SLC51A: variants seen among roughly 807,000 people sequenced by gnomAD.
The protein encoded by SLC51A is solute carrier family 51 member A.
A neutral mutation model predicts 34.8 loss-of-function variants in SLC51A; 22 were observed. The observed-to-expected ratio is 0.63, with a 90% CI of 0.45 to 0.90. The LOEUF is 0.90. Ranked by LOEUF, SLC51A falls within the 40% of genes least tolerant of loss-of-function variation. The pLI is 0.00. For synonymous variants in SLC51A, 181 were observed against 176.3 expected (o/e 1.03, Z -0.21); for missense variants, 371 against 414.8 (o/e 0.89, Z 0.92).
chr3:196,232,286 C>T (rs1310223729), intron 7 of SLC51A, 133 bp from the exon 8 acceptor site: 1 of 633,316 alleles, frequency 1.6e-6, no homozygotes, highest in Non-Finnish European at 2.8e-6. Flanking sequence ...AGCCTCAACC[C>T]TCTGTGACTG....
intron 8 of SLC51A, 126 bp from the exon 9 acceptor site, chr3:196,232,937 A>G: frequency 1.0e-6 from 1 of 957,488 alleles, no homozygotes; most frequent in Non-Finnish European, 1.6e-6. Flanking sequence ...ACAATTTCGT[A>G]TCCCTAAGTC....
At chr3:196,223,830 T>A (rs1404098243) in intron 2 of SLC51A, 6 of 427,702 alleles carry the variant, frequency 1.4e-5, no homozygotes, top group African/African-American at 1.3e-4. Context: ...GGCAAATATC[T>A]TAGTGTAATT....
rs148234908 is a variant in SLC51A, at chr3:196,227,544, A to G, written c.289-120A>G. Reference sequence around the variant, plus strand: ...TAATTAGTGCTTTTTCCAGCTGGCAACGTTTAAGGAACGCTGCCTCGAATG... The same window carrying G: ...TAATTAGTGCTTTTTCCAGCTGGCAGCGTTTAAGGAACGCTGCCTCGAATG... On this transcript the variant is annotated intron_variant, in intron 3 of 8. Coordinates refer to ENST00000296327, the MANE Select transcript of SLC51A (RefSeq NM_152672.6). 3.5e-4 allele frequency: 289 copies of G among 820,576 alleles called. 4 individuals are homozygous for G. The highest frequency in any genetic ancestry group is 3.5e-3 in the African/African-American group (207 of 59,358). 50.8% of individuals were successfully genotyped at this position (820,576 alleles called of 1,614,324 possible).
rs1252966613 is a variant in SLC51A, at chr3:196,216,553, G to A, written c.-160G>A. 8 of 766,794 alleles carry A rather than the reference G, an allele frequency of 1.0e-5. No homozygotes were observed. Among genetic ancestry groups the A allele is most frequent in the African/African-American group, 1.7e-5 (1 of 58,260 alleles). 47.5% of individuals were successfully genotyped at this position (766,794 alleles called of 1,614,324 possible). A position where few individuals can be genotyped will look rare whatever the true frequency, so the allele number is the denominator to read the frequency against. ...AACTCTGAGATAGAAAGTTGGCCCG[G>A]GAAGCTCAAGGAGGGAGAGCGGCAG... On this transcript the variant is annotated 5_prime_UTR_variant, in exon 1 of 9. Transcript: ENST00000296327. This position sits in a 1 kb window ranked among gnomAD's most constrained non-coding sequence, Gnocchi z 4.5.
At chr3:196,223,401 G>A (rs148939559) in intron 2 of SLC51A, among the ~76,000 whole-genome samples, 12 of 152,004 alleles carry the variant, frequency 7.9e-5, no homozygotes, top group African/African-American at 2.9e-4. Flanking sequence ...GTAAACAGCT[G>A]TGTAAATACA....
At chr3:196,217,737 G>C in intron 1 of SLC51A, 105 bp from the exon 2 acceptor site, 1 of 798,264 alleles carries the variant, frequency 1.3e-6, no homozygotes. Context: ...GCCCTGAGGG[G>C]AAATGGACAA....
chr3:196,216,746 C>G lies in SLC51A; in HGVS notation c.34C>G (p.Pro12Ala), dbSNP rs745329387. Reference sequence around the variant, plus strand: ...GGGCAGGACCCAGATAAAGCTTGACCCCAGGTAAGTGAGGGCGGCGGGCCC... The same window carrying G: ...GGGCAGGACCCAGATAAAGCTTGACGCCAGGTAAGTGAGGGCGGCGGGCCC... ...EPGRTQIKLD[P>A]RYTADLLEVL... is the part of the protein sequence containing the mutation. The change falls in exon 1 of 9, where the codon CCC becomes GCC. Residue 12 changes from proline to alanine, a missense_variant. Transcript: ENST00000296327. This position sits in a 1 kb window ranked among gnomAD's most constrained non-coding sequence, Gnocchi z 4.5. 5 of 1,577,172 alleles carry G rather than the reference C, an allele frequency of 3.2e-6. No homozygotes were observed. Among genetic ancestry groups the G allele is most frequent in the Non-Finnish European group, 3.4e-6 (4 of 1,161,260 alleles).
chr3:196,220,787 C>T (rs761148066), intron 2 of SLC51A, among the ~76,000 whole-genome samples: 1 of 152,042 alleles, frequency 6.6e-6, no homozygotes, highest in Non-Finnish European at 1.5e-5. Flanking sequence ...GCAATGGTGA[C>T]GGCACAGCCA....
chr3:196,224,532 T>C (rs945622420), intron 2 of SLC51A, among the ~76,000 whole-genome samples: 8 of 151,606 alleles, frequency 5.3e-5, no homozygotes, highest in South Asian at 4.2e-4. Context: ...CTCTACTAGC[T>C]GGGCGTGGTG....
Position 196,227,068 on chromosome 3 carries a change from C to G in SLC51A, c.237C>G (p.Thr79=). Residue 79 remains threonine, a synonymous_variant, in exon 3 of 9, where the codon ACC becomes ACG. Coordinates refer to ENST00000296327, the MANE Select transcript of SLC51A (RefSeq NM_152672.6). ...ATGCCGTCTACCTGTACAAGAACACCCTTTGCCCCATCAAGAGGCGGACTC... is the reference window on the plus strand; with the variant it reads ...ATGCCGTCTACCTGTACAAGAACACGCTTTGCCCCATCAAGAGGCGGACTC... The part of the protein sequence containing the change: ...LEDAVYLYKN[T]LCPIKRRTLL... 6.2e-7 allele frequency: 1 copy of G among 1,614,158 alleles called. No homozygotes were observed.
Position 196,228,837 on chromosome 3 carries a change from C to T in SLC51A, c.550C>T (p.Pro184Ser). 6.2e-7 allele frequency: 1 copy of T among 1,614,048 alleles called. No homozygotes were observed. The highest frequency in any genetic ancestry group is 2.2e-5 in the East Asian group (1 of 44,888). Residue 184 changes from proline to serine, a missense_variant, in exon 6 of 9, where the codon CCT becomes TCT. Transcript: ENST00000296327. The surrounding 1 kb of genome is among the most constrained non-coding windows in gnomAD (Gnocchi z 4.9). Reference protein sequence around the residue: ...RKKLQLLMLGPFQYAFLKITL... With the variant: ...RKKLQLLMLGSFQYAFLKITL... ...GAAGCTTCAGCTGCTGATGTTGGGC[C>T]CTTTCCAATACGCCTTCTTGAAGAT...
chr3:196,219,240 G>GA (rs71161914), intron 2 of SLC51A, among the ~76,000 whole-genome samples: 20,736 of 151,486 alleles, frequency 0.14, 1,742 homozygotes, highest in Middle Eastern at 0.19. Context: ...AAAAATAAAA[G>GA]AAAAAAAAGG....
chr3:196,221,113 G>A lies in SLC51A; in HGVS notation c.133+3177G>A, dbSNP rs997552439. 1.1e-4 allele frequency among the ~76,000 whole-genome samples: 17 copies of A among 150,354 alleles called. No homozygotes were observed. In the East Asian group the frequency reaches 2.8e-3, roughly 25 times the overall value. ...TCTCCATGTTGCCCAGGCTGGTCTC[G>A]AACTTAAAATTAAATGCTAAGAAAA... On this transcript the variant is annotated intron_variant, in intron 2 of 8. Transcript: ENST00000296327.
Position 196,221,802 on chromosome 3 carries a change from G to A in SLC51A, c.133+3866G>A, listed in dbSNP as rs138209111. Among the ~76,000 whole-genome samples the A allele has an allele frequency of 2.0e-3, 298 of 150,576 alleles. 1 individual carries two copies. The highest frequency in any genetic ancestry group is 6.9e-3 in the African/African-American group (284 of 40,988). On this transcript the variant is annotated intron_variant, in intron 2 of 8. Coordinates refer to ENST00000296327, the MANE Select transcript of SLC51A (RefSeq NM_152672.6). ...GTGATCTCAGCTCACTACAAGCTCC[G>A]CCTCCCAGGTTCACGCCATTCTCCT...
chr3:196,226,032 C>G (rs1417770166), intron 2 of SLC51A, among the ~76,000 whole-genome samples: 2 of 152,150 alleles, frequency 1.3e-5, no homozygotes, highest in Non-Finnish European at 2.9e-5. Context: ...GAAGTTCTCC[C>G]CTGGCCGAGT....
intron 7 of SLC51A, among the ~76,000 whole-genome samples, chr3:196,231,833 C>A (rs1724035678): frequency 6.6e-6 from 1 of 152,114 alleles, no homozygotes; most frequent in Non-Finnish European, 1.5e-5. Context: ...TCCCCTTTTG[C>A]CTTCTTTATT....
chr3:196,227,769 G>A (rs1438100284), intron 4 of SLC51A, 32 bp downstream of exon 4: 14 of 1,590,932 alleles, frequency 8.8e-6, no homozygotes, highest in Non-Finnish European at 1.2e-5. Context: ...ACCTCCAAGG[G>A]CCCCTCTGCT....
At chr3:196,223,253 T>G (rs1001977482) in intron 2 of SLC51A, among the ~76,000 whole-genome samples, 2 of 151,958 alleles carry the variant, frequency 1.3e-5, no homozygotes, top group African/African-American at 4.8e-5. Flanking sequence ...ATAGGAATTC[T>G]CATAGGTTAT....
Position 196,233,066 on chromosome 3 carries a change from T to C in SLC51A, c.890T>C (p.Met297Thr). Residue 297 changes from methionine (M) to threonine (T), a missense_variant, in exon 9 of 9, where the codon ATG (methionine) becomes ACG (threonine). Coordinates refer to ENST00000296327, the MANE Select transcript of SLC51A (RefSeq NM_152672.6). Reference protein sequence around the residue: ...PYSSKTRSQVMNCHLLILETF... With the variant: ...PYSSKTRSQVTNCHLLILETF... ...TGTATTTCACCCTACACTGCAGTGA[T>C]GAATTGCCACCTCCTCATACTGGAG... 1.9e-6 allele frequency: 3 copies of C among 1,614,120 alleles called. No individual in the cohort carries two copies. Among genetic ancestry groups the C allele is most frequent in the Non-Finnish European group, 2.5e-6 (3 of 1,179,988 alleles).
Sources: gnomAD v4.1 joint callset for allele counts (sites outside exome capture counted in the v4.1 genomes callset) on GRCh38, gnomAD v4.1.1 for gene constraint, Gnocchi (gnomAD v3.1) non-coding constraint, MANE v1.5 for transcripts, NCBI Gene and HGNC (gene_info 2026-07-23, HGNC 2026-07-21) for gene names.